Variants in NKX2-2 observed in about 807,000 individuals in gnomAD.
NKX2-2 encodes the protein NK2 homeobox 2, also known as homeobox protein Nkx-2.2.
In NKX2-2, 8 loss-of-function variants were observed where a neutral mutation model predicts 24.6. That is an observed-to-expected ratio of 0.32 (90% CI 0.19 to 0.59). The LOEUF is 0.59. Among genes scored for constraint, NKX2-2 ranks in the 20% least tolerant of loss-of-function variants. The probability of loss-of-function intolerance (pLI) is 0.86; values close to 1 mark genes in which losing one functional copy is unlikely to be tolerated. For missense variants in NKX2-2, 381 were observed against 373.9 expected (o/e 1.02, Z -0.16); for synonymous variants, 217 against 173.3 (o/e 1.25, Z -1.98).
upstream of NKX2-2, among the ~76,000 whole-genome samples, chr20:21,517,632 C>T (rs1361822255): frequency 1.3e-5 from 2 of 152,228 alleles, no homozygotes; most frequent in Non-Finnish European, 2.9e-5. Context: ...CCTGCGCAGG[C>T]CCAGCTGGCG....
rs371257647 is a variant in NKX2-2, at chr20:21,513,661, C to G, written c.9G>C (p.Leu3=). 6.4e-7 allele frequency: 1 copy of G among 1,569,220 alleles called. No homozygotes were observed. Among genetic ancestry groups the G allele is most frequent in the Non-Finnish European group, 8.6e-7 (1 of 1,161,154 alleles). The part of the protein sequence containing the change: MS[L]TNTKTGFSVK... Reference sequence around the variant, plus strand: ...CCGAAAACCCCGTCTTTGTGTTGGTCAGCGACATGGTTCGAGACCCCAAAA... The same window carrying G: ...CCGAAAACCCCGTCTTTGTGTTGGTGAGCGACATGGTTCGAGACCCCAAAA... The change falls in exon 1 of 2, where the codon CTG becomes CTC. Residue 3 remains leucine (L), a synonymous_variant. Transcript: ENST00000377142. The surrounding 1 kb of genome is among the most constrained non-coding windows in gnomAD (Gnocchi z 4.6).
upstream of NKX2-2, among the ~76,000 whole-genome samples, chr20:21,515,238 G>A (rs892317694): frequency 8.6e-5 from 13 of 151,588 alleles, no homozygotes; most frequent in South Asian, 1.0e-3. Flanking sequence ...TAGAGGTGGA[G>A]CAGCGGGAAG....
Sources: allele counts gnomAD v4.1 joint callset (sites outside exome capture counted in the v4.1 genomes callset), GRCh38; gene constraint gnomAD v4.1.1; non-coding constraint Gnocchi (gnomAD v3.1); transcripts MANE v1.5; gene names NCBI Gene and HGNC (gene_info 2026-07-23, HGNC 2026-07-21).